The following MYO1E variants were observed in gnomAD, a reference collection of about 807,000 sequenced individuals.
MYO1E encodes the protein unconventional myosin-Ie.
In MYO1E, 68 loss-of-function variants were observed where a neutral mutation model predicts 151.1. The observed-to-expected ratio is 0.45, with a 90% CI of 0.37 to 0.55. The LOEUF (loss-of-function observed/expected upper bound fraction) is 0.55. Among genes scored for constraint, MYO1E ranks in the 20% least tolerant of loss-of-function variants. The probability of loss-of-function intolerance (pLI) is 0.00; values close to 1 mark genes in which losing one functional copy is unlikely to be tolerated. For synonymous variants in MYO1E, 601 were observed against 501.7 expected (o/e 1.20, Z -2.64); for missense variants, 1,363 against 1,389.3 (o/e 0.98, Z 0.30).
chr15:59,207,730 A>G, intron 14 of MYO1E: 1 of 1,614,196 alleles, frequency 6.2e-7, no homozygotes, highest in African/African-American at 1.3e-5. Flanking sequence ...GAAGGATCTG[A>G]ACTCTGATAT....
intron 1 of MYO1E, among the ~76,000 whole-genome samples, chr15:59,307,599 T>A (rs2080522091): frequency 6.8e-6 from 1 of 146,712 alleles, no homozygotes; most frequent in African/African-American, 2.7e-5. Flanking sequence ...CCAATGAGTT[T>A]AGTTTTTGTT....
intron 18 of MYO1E, among the ~76,000 whole-genome samples, chr15:59,182,071 A>T (rs1033861913): frequency 6.6e-6 from 1 of 152,192 alleles, no homozygotes; most frequent in Non-Finnish European, 1.5e-5. Context: ...ACCCCCGCCC[A>T]CTGATATAGT....
intron 17 of MYO1E, among the ~76,000 whole-genome samples, chr15:59,193,887 C>T (rs2079749489): frequency 6.6e-6 from 1 of 151,992 alleles, no homozygotes; most frequent in Non-Finnish European, 1.5e-5. Context: ...AGAAAAGATG[C>T]CTTAAGCGGT....
Position 59,362,835 on chromosome 15 carries a change from C to CAATGTGA in MYO1E, c.3+9656_3+9662dup, listed in dbSNP as rs142790597. Among the ~76,000 whole-genome samples the CAATGTGA allele has an allele frequency of 6.0e-4, 91 of 152,298 alleles. No homozygotes were observed. In the East Asian group the frequency reaches 0.017, roughly 28 times the overall value. ...ACCGAAGAAATTATTAGGAGACTAACAATGTGATATTCTAATTTTGTTGTT... is the reference window on the plus strand; with the variant it reads ...ACCGAAGAAATTATTAGGAGACTAACAATGTGAAATGTGATATTCTAATTTTGTTGTT... On this transcript the variant is annotated intron_variant, in intron 1 of 27. Coordinates refer to ENST00000288235, the MANE Select transcript of MYO1E (RefSeq NM_004998.4).
rs190765305 is a variant in MYO1E, at chr15:59,165,252, A to G, written c.2481-1949T>C. On this transcript the variant is annotated intron_variant, in intron 22 of 27. Transcript: ENST00000288235. ...CGTAGAATGGCAGTACGCGCAAACC[A>G]TGGGGGTGGGGCGGGGCGGTGAATG... Among the ~76,000 whole-genome samples, 59 of 152,202 alleles carry G rather than the reference A, an allele frequency of 3.9e-4. 2 individuals carry two copies. The East Asian group carries it at 0.01, about 26-fold the overall frequency.
At chr15:59,313,853 G>A (rs2080568513) in intron 1 of MYO1E, among the ~76,000 whole-genome samples, 1 of 152,136 alleles carries the variant, frequency 6.6e-6, no homozygotes, top group Non-Finnish European at 1.5e-5. Context: ...TTTTGGCTTG[G>A]GACTTTCTGT....
chr15:59,204,347 C>A (rs1333753089), intron 15 of MYO1E, among the ~76,000 whole-genome samples: 2 of 152,200 alleles, frequency 1.3e-5, no homozygotes, highest in Non-Finnish European at 2.9e-5. Context: ...GAAACTCTTG[C>A]TTTGCTTTCA....
At chr15:59,162,857 C>G (rs1413698605) in intron 23 of MYO1E, among the ~76,000 whole-genome samples, 3 of 152,028 alleles carry the variant, frequency 2.0e-5, no homozygotes, top group Non-Finnish European at 4.4e-5. Context: ...TTAAAAAAAC[C>G]CTTTTTTGGG....
intron 14 of MYO1E, chr15:59,208,352 A>G: frequency 1.8e-6 from 1 of 552,000 alleles, no homozygotes; most frequent in Non-Finnish European, 3.2e-6. Flanking sequence ...TGGTTCCCAA[A>G]AAGTAGGATG....
intron 1 of MYO1E, among the ~76,000 whole-genome samples, chr15:59,287,781 C>T: frequency 6.6e-6 from 1 of 152,134 alleles, no homozygotes; most frequent in Middle Eastern, 3.2e-3. Context: ...ATTGTGTGAG[C>T]ACCCTAAGAT....
In MYO1E at chr15:59,186,628, G is replaced by A. The variant is rs917103259; in HGVS notation, c.1904+1490C>T. Among the ~76,000 whole-genome samples, 58 of 152,282 alleles carry A rather than the reference G, an allele frequency of 3.8e-4. 1 individual carries two copies. Among genetic ancestry groups the A allele is most frequent in the African/African-American group, 1.4e-3 (58 of 41,556 alleles). Reference sequence around the variant, plus strand: ...CATCTGGGCATGGTGATGCATGCCTGTAGTACTAGCTACTTGCAGACTGAG... The same window carrying A: ...CATCTGGGCATGGTGATGCATGCCTATAGTACTAGCTACTTGCAGACTGAG... On this transcript the variant is annotated intron_variant, in intron 18 of 27. Coordinates refer to ENST00000288235, the MANE Select transcript of MYO1E (RefSeq NM_004998.4).
At chr15:59,205,309 C>T (rs1028611388) in intron 15 of MYO1E, 91 bp downstream of exon 15, 2 of 1,267,808 alleles carry the variant, frequency 1.6e-6, no homozygotes, top group African/African-American at 2.9e-5. Flanking sequence ...ACTATAGGAA[C>T]ACACCACCAC....
At chr15:59,185,996 G>T (rs1305309911) in intron 18 of MYO1E, among the ~76,000 whole-genome samples, 2 of 152,216 alleles carry the variant, frequency 1.3e-5, no homozygotes, top group African/African-American at 4.8e-5. Flanking sequence ...TCTGTTTAAG[G>T]AAGTCTCATA....
intron 17 of MYO1E, among the ~76,000 whole-genome samples, chr15:59,192,624 T>A (rs1313000782): frequency 6.6e-6 from 1 of 152,166 alleles, no homozygotes; most frequent in Non-Finnish European, 1.5e-5. Flanking sequence ...CAAAATGCAT[T>A]TGTAGGGCAA....
intron 3 of MYO1E, among the ~76,000 whole-genome samples, chr15:59,261,144 C>T (rs987719181): frequency 1.3e-5 from 2 of 151,434 alleles, no homozygotes; most frequent in African/African-American, 2.4e-5. Flanking sequence ...ACCCGGAAGG[C>T]GGAGGTTGCA....
chr15:59,229,885 A>G (rs1204267065), intron 6 of MYO1E, among the ~76,000 whole-genome samples: 1 of 152,178 alleles, frequency 6.6e-6, no homozygotes, highest in Non-Finnish European at 1.5e-5. Flanking sequence ...AAAAAAAACA[A>G]GAACATATTG....
intron 7 of MYO1E, among the ~76,000 whole-genome samples, chr15:59,226,478 A>G (rs1477514220): frequency 2.6e-5 from 4 of 152,366 alleles, no homozygotes; most frequent in Non-Finnish European, 5.9e-5. Context: ...TAACATCATT[A>G]TATTTTTTAA....
intron 10 of MYO1E, among the ~76,000 whole-genome samples, chr15:59,217,518 C>CGTTTTTT (rs1334637019): frequency 9.3e-5 from 1 of 10,708 alleles, no homozygotes; most frequent in Non-Finnish European, 2.1e-4. Context: ...AGTCGTTTTA[C>CGTTTTTT]CTTTTTTTTT....
chr15:59,294,032 AC>A (rs2080435118), intron 1 of MYO1E, among the ~76,000 whole-genome samples: 1 of 152,212 alleles, frequency 6.6e-6, no homozygotes, highest in African/African-American at 2.4e-5. Context: ...ACAGAGCAAG[AC>A]CCTGTCTCAA....
Sources: gnomAD v4.1 joint callset for allele counts (sites outside exome capture counted in the v4.1 genomes callset) on GRCh38, gnomAD v4.1.1 for gene constraint, MANE v1.5 for transcripts, NCBI Gene and HGNC (gene_info 2026-07-23, HGNC 2026-07-21) for gene names.